Variants in BTBD2 observed in about 807,000 individuals in gnomAD.
BTBD2 encodes the protein BTB/POZ domain-containing protein 2.
BTBD2 carries 15 observed loss-of-function variants against 44.0 expected under a neutral mutation model. The ratio of observed to expected loss-of-function variants is 0.34; its 90% CI spans 0.23 to 0.53. BTBD2 has a LOEUF of 0.53. Among genes scored for constraint, BTBD2 ranks in the 20% least tolerant of loss-of-function variants. BTBD2 has a pLI of 0.95. For synonymous variants in BTBD2, 443 were observed against 335.9 expected (o/e 1.32, Z -3.49); for missense variants, 657 against 746.4 (o/e 0.88, Z 1.39).
Position 2,015,304 on chromosome 19 carries a change from C to T in BTBD2, c.400G>A (p.Ala134Thr), listed in dbSNP as rs915961750. The T allele has an allele frequency of 8.3e-6, 13 of 1,558,794 alleles. No individual in the cohort carries two copies. Among genetic ancestry groups the T allele is most frequent in the Non-Finnish European group, 1.0e-5 (12 of 1,159,566 alleles). ...GKGLSSQRIP[A>T]HRFVLAVGSA... ...CGGGGTCGGGGCGCCCACCTGTGCG[C>T]GGGGATGCGCTGCGAGCTGAGCCCC... Residue 134 changes from alanine (A) to threonine (T), a missense_variant, in exon 1 of 9, where the codon GCG becomes ACG. This residue lies in a region of BTBD2 where 191 missense variants were observed against 188.5 expected (regional missense o/e 1.01). Coordinates refer to ENST00000255608, the MANE Select transcript of BTBD2 (RefSeq NM_017797.4).
rs1023677350 is a variant in BTBD2, at chr19:1,986,920, G to A, written c.1326C>T (p.Cys442=). The A allele has an allele frequency of 1.1e-5, 18 of 1,613,156 alleles. No individual in the cohort carries two copies. The highest frequency in any genetic ancestry group is 7.7e-5 in the South Asian group (7 of 91,074). The change falls in exon 8 of 9, where the codon TGC becomes TGT. Residue 442 remains cysteine (C), a synonymous_variant. Transcript: ENST00000255608. ...CGCGGAAGGTGCTGGCTGAGCCGTC[G>A]CAGCTGAAGCCCGTGTCGTTCTGGC... ...VLGQNDTGFS[C]DGSASTFRVM...
chr19:1,985,782 C>T lies in BTBD2; in HGVS notation c.*706G>A, dbSNP rs2016069976. 6.6e-6 allele frequency: 1 copy of T among 152,464 alleles called. No homozygotes were observed. The highest frequency in any genetic ancestry group is 6.5e-5 in the Admixed American group (1 of 15,284). The allele number at this position is 152,464 out of a possible 1,614,324, so 9.4% of individuals were successfully genotyped here. A position where few individuals can be genotyped will look rare whatever the true frequency, so the allele number is the denominator to read the frequency against. ...GGGCTGCAGGGACCGCGAGGGCCGTCCAGGGAGGCTGGACAGCGGGGGCCT... is the reference window on the plus strand; with the variant it reads ...GGGCTGCAGGGACCGCGAGGGCCGTTCAGGGAGGCTGGACAGCGGGGGCCT... On this transcript the variant is annotated 3_prime_UTR_variant, in exon 9 of 9. Transcript: ENST00000255608.
At chr19:1,994,657 G>C (rs1402232080) in intron 2 of BTBD2, among the ~76,000 whole-genome samples, 2 of 152,058 alleles carry the variant, frequency 1.3e-5, no homozygotes, top group Non-Finnish European at 2.9e-5. Flanking sequence ...TACTCAGGAG[G>C]CTGATGCAGG....
Position 1,993,152 on chromosome 19 carries a change from C to A in BTBD2, c.552G>T (p.Gln184His). Residue 184 changes from glutamine to histidine, a missense_variant, in exon 3 of 9, where the codon CAG (glutamine) becomes CAT (histidine). Around this residue, in one of 3 missense-constraint regions of BTBD2, gnomAD observed 449 missense variants for 510.9 expected, o/e 0.88. Transcript: ENST00000255608. ...TGGTCATCACCGTCTCCGGGCCAATCTGCACCTCGTCCGAGTAGAGAAACC... is the reference window on the plus strand; with the variant it reads ...TGGTCATCACCGTCTCCGGGCCAATATGCACCTCGTCCGAGTAGAGAAACC... ...LLKFLYSDEV[Q>H]IGPETVMTTL... is the part of the protein sequence containing the mutation. 1.2e-6 allele frequency: 2 copies of A among 1,604,674 alleles called. No individual in the cohort carries two copies. The highest frequency in any genetic ancestry group is 1.1e-5 in the South Asian group (1 of 90,826).
At chr19:2,005,705 CTGGGAGGCAGAGG>C (rs1295808639) in intron 1 of BTBD2, among the ~76,000 whole-genome samples, 1 of 151,510 alleles carries the variant, frequency 6.6e-6, no homozygotes, top group African/African-American at 2.4e-5. Context: ...TCGCTTGAAC[CTGGGAGGCAGAGG>C]TTGCAGTGAA....
At chr19:2,002,719 A>G (rs1383086967) in intron 1 of BTBD2, 4 of 152,116 alleles carry the variant, frequency 2.6e-5, no homozygotes, top group African/African-American at 9.6e-5. Flanking sequence ...TAAAGATACC[A>G]AAAACAAATT....
At chr19:2,006,811 C>T (rs1442305710) in intron 1 of BTBD2, among the ~76,000 whole-genome samples, 1 of 152,110 alleles carries the variant, frequency 6.6e-6, no homozygotes, top group Non-Finnish European at 1.5e-5. Context: ...GCCTCAGCCT[C>T]CTACGTAGCT....
chr19:2,012,002 G>A (rs2016471046), intron 1 of BTBD2, among the ~76,000 whole-genome samples: 1 of 151,774 alleles, frequency 6.6e-6, no homozygotes, highest in South Asian at 2.1e-4. Flanking sequence ...CTACAGTTGT[G>A]CACCACCACA....
rs1568213658 is a variant in BTBD2, at chr19:1,987,256, G to A, written c.1182-3C>T. Reference sequence around the variant, plus strand: ...AGATGCGCTTGTTGACTGAGAACCTGCCGTGGCAGATGACAGGCAGCAGCG... The same window carrying A: ...AGATGCGCTTGTTGACTGAGAACCTACCGTGGCAGATGACAGGCAGCAGCG... On this transcript the variant is annotated splice_polypyrimidine_tract_variant and splice_region_variant and intron_variant, in intron 6 of 8. Coordinates refer to ENST00000255608, the MANE Select transcript of BTBD2 (RefSeq NM_017797.4). The A allele has an allele frequency of 1.9e-6, 3 of 1,613,688 alleles. No homozygotes were observed. Among genetic ancestry groups the A allele is most frequent in the East Asian group, 2.2e-5 (1 of 44,872 alleles).
intron 1 of BTBD2, among the ~76,000 whole-genome samples, chr19:1,998,380 G>A (rs1018601126): frequency 9.9e-5 from 15 of 152,218 alleles, no homozygotes; most frequent in Admixed American, 7.2e-4. Context: ...CATCTGAGCC[G>A]CCACGTCCAT....
In BTBD2 at chr19:1,990,053, G is replaced by A. The variant is rs748980345; in HGVS notation, c.939C>T (p.Ala313=). 6 of 1,613,362 alleles carry A rather than the reference G, an allele frequency of 3.7e-6. No individual in the cohort carries two copies. The highest frequency in any genetic ancestry group is 5.1e-6 in the Non-Finnish European group (6 of 1,180,036). ...PENRRKVLGK[A]LGLIRFPLMT... is the part of the protein sequence containing the mutation. Reference sequence around the variant, plus strand: ...TGAGCGGGAAGCGAATGAGGCCCAGGGCCTTGCCCAGAACCTTCCGCCTGT... The same window carrying A: ...TGAGCGGGAAGCGAATGAGGCCCAGAGCCTTGCCCAGAACCTTCCGCCTGT... Residue 313 remains alanine, a synonymous_variant, in exon 5 of 9, where the codon GCC becomes GCT. Coordinates refer to ENST00000255608, the MANE Select transcript of BTBD2 (RefSeq NM_017797.4).
chr19:1,986,467 GCGGTGT>G lies in BTBD2; in HGVS notation c.*15_*20del, dbSNP rs540723501. The G allele has an allele frequency of 2.0e-4, 316 of 1,610,058 alleles. 3 individuals are homozygous for G. In the South Asian group the frequency reaches 2.5e-3, roughly 13 times the overall value. ...CTGCGGCTATCCCCACGGAGGGAGG[GCGGTGT>G]CGGTGTCGGGCAGCCTAGGTGTAGA... On this transcript the variant is annotated 3_prime_UTR_variant, in exon 9 of 9. Transcript: ENST00000255608.
chr19:2,015,283 G>A lies in BTBD2; in HGVS notation c.407+14C>T. ...GTGGGTCGGGGCCAGGGCTGGCGGG[G>A]TCGGGGCGCCCACCTGTGCGCGGGG... is the stretch of plus-strand genomic sequence containing the variant. On this transcript the variant is annotated intron_variant, in intron 1 of 8. Coordinates refer to ENST00000255608, the MANE Select transcript of BTBD2 (RefSeq NM_017797.4). The A allele has an allele frequency of 6.5e-7, 1 of 1,540,580 alleles. No homozygotes were observed. Among genetic ancestry groups the A allele is most frequent in the Middle Eastern group, 1.8e-4 (1 of 5,572 alleles).
Position 1,986,565 on chromosome 19 carries a change from A to C in BTBD2, c.1501T>G (p.Phe501Val), listed in dbSNP as rs753627225. The C allele has an allele frequency of 6.2e-7, 1 of 1,613,972 alleles. No homozygotes were observed. The highest frequency in any genetic ancestry group is 1.3e-5 in the African/African-American group (1 of 74,944). The change falls in exon 9 of 9, where the codon TTT (phenylalanine) becomes GTT (valine). Residue 501 changes from phenylalanine to valine, a missense_variant. Physicochemically the swap from Phe to Val is conservative, Grantham distance 50 (BLOSUM62 -1). Transcript: ENST00000255608. Reference protein sequence around the residue: ...PTTGAKTCFTFCYAAGNNNGT... With the variant: ...PTTGAKTCFTVCYAAGNNNGT... ...TTGTTGTTCCCGGCCGCGTAGCAAAAGGTGAAGCAGGTCTTGGCGCCCGTG... is the reference window on the plus strand; with the variant it reads ...TTGTTGTTCCCGGCCGCGTAGCAAACGGTGAAGCAGGTCTTGGCGCCCGTG...
chr19:2,015,138 ATGCAGGGG>A lies in BTBD2; in HGVS notation c.407+151_407+158del, dbSNP rs562648270. Among the ~76,000 whole-genome samples the A allele has an allele frequency of 2.6e-4, 27 of 104,424 alleles. 2 individuals are homozygous for A. In the East Asian group the frequency reaches 8.8e-3, roughly 34 times the overall value. The allele number at this position is 104,424 out of a possible 152,430, so 68.5% of individuals were successfully genotyped here. On this transcript the variant is annotated intron_variant, in intron 1 of 8. Coordinates refer to ENST00000255608, the MANE Select transcript of BTBD2 (RefSeq NM_017797.4). ...GCCGAGTTGGGTTCGGAGCCTGAGG[ATGCAGGGG>A]TGCAGGGGTCCCGGGGACAGAGGGG... is the stretch of plus-strand genomic sequence containing the variant.
At chr19:1,995,700 G>T (rs1325975911) in intron 2 of BTBD2, among the ~76,000 whole-genome samples, 1 of 148,856 alleles carries the variant, frequency 6.7e-6, no homozygotes, top group Non-Finnish European at 1.5e-5. Flanking sequence ...GCAGTGGCAT[G>T]ATCTCAGTCC....
chr19:1,990,210 T>G lies in BTBD2; in HGVS notation c.791-9A>C, dbSNP rs760270009. On this transcript the variant is annotated splice_polypyrimidine_tract_variant and intron_variant, in intron 4 of 8. Transcript: ENST00000255608. ...GACAGCCACCAGCGTGTCTGTGGGG[T>G]GGAGGAAGGGGCTGCGTGAACACGA... The G allele has an allele frequency of 4.4e-6, 7 of 1,586,370 alleles. No homozygotes were observed. Among genetic ancestry groups the G allele is most frequent in the Non-Finnish European group, 6.0e-6 (7 of 1,167,596 alleles).
In BTBD2 at chr19:1,997,283, G is replaced by A. The variant is rs567664956; in HGVS notation, c.527+61C>T. ...TGAGCTGGTGTCAGACAGGGTCTAC[G>A]TTCTCTGAGGTCCCCCTCCCCAGGC... On this transcript the variant is annotated intron_variant, in intron 2 of 8. Coordinates refer to ENST00000255608, the MANE Select transcript of BTBD2 (RefSeq NM_017797.4). 129 of 1,608,406 alleles carry A rather than the reference G, an allele frequency of 8.0e-5. 1 individual carries two copies. The highest frequency in any genetic ancestry group is 1.0e-4 in the Non-Finnish European group (118 of 1,176,762).
intron 1 of BTBD2, among the ~76,000 whole-genome samples, chr19:2,000,249 G>A (rs369139384): frequency 3.1e-4 from 47 of 152,094 alleles, no homozygotes; most frequent in African/African-American, 9.9e-4. Context: ...TCCTGGCCGC[G>A]TCCTCAAGGG....
Sources: gnomAD v4.1 joint callset for allele counts (sites outside exome capture counted in the v4.1 genomes callset) on GRCh38, gnomAD v4.1.1 for gene constraint, gnomAD v4.1.1 regional missense constraint, MANE v1.5 for transcripts, NCBI Gene and HGNC (gene_info 2026-07-23, HGNC 2026-07-21) for gene names.